Variants in LRRC7 observed in about 807,000 individuals in gnomAD.
LRRC7 encodes leucine rich repeat containing 7.
In LRRC7, 23 loss-of-function variants were observed where a neutral mutation model predicts 175.7. The ratio of observed to expected loss-of-function variants is 0.13; its 90% confidence interval spans 0.09 to 0.19. The LOEUF is 0.19. Among genes scored for constraint, LRRC7 ranks in the 10% least tolerant of loss-of-function variants. The pLI, the probability that LRRC7 is intolerant of heterozygous loss-of-function variation, is 1.00. For synonymous variants in LRRC7, 685 were observed against 680.9 expected (o/e 1.01, Z -0.09); for missense variants, 1,354 against 1,904.7 (o/e 0.71, Z 5.38).
chr1:69,729,105 G>A (rs766362739), intron 2 of LRRC7, among the ~76,000 whole-genome samples: 4 of 152,096 alleles, frequency 2.6e-5, no homozygotes, highest in Non-Finnish European at 2.9e-5. Context: ...CAGCACAAGG[G>A]GGTAACCGCC....
chr1:69,927,693 C>A (rs187922334), intron 7 of LRRC7, among the ~76,000 whole-genome samples: 2,809 of 151,734 alleles, frequency 0.019, 49 homozygotes, highest in Non-Finnish European at 0.029. Flanking sequence ...ATTGGTTATT[C>A]TAGTTATACA....
intron 3 of LRRC7, among the ~76,000 whole-genome samples, chr1:69,782,419 T>C (rs1260892464): frequency 6.6e-6 from 1 of 152,112 alleles, no homozygotes; most frequent in Admixed American, 6.5e-5. Flanking sequence ...TGTAAACAGG[T>C]CTTAATCTGT....
intron 11 of LRRC7, among the ~76,000 whole-genome samples, chr1:70,008,545 A>G (rs1656199033): frequency 6.6e-6 from 1 of 152,232 alleles, no homozygotes; most frequent in Non-Finnish European, 1.5e-5. Flanking sequence ...CATGATCACC[A>G]GTTGTAGCAT....
intron 23 of LRRC7, among the ~76,000 whole-genome samples, chr1:70,073,290 T>G (rs1188492436): frequency 6.6e-6 from 1 of 152,046 alleles, no homozygotes; most frequent in African/African-American, 2.4e-5. Flanking sequence ...CTTAAAGAGT[T>G]CAAAATCAGC....
rs1033220509 is a variant in LRRC7 at position 70,123,870 on chromosome 1, A to G, written c.*1983A>G. ...AACTCATGGCTGTAGTTTGGTGGCA[A>G]TGAAACATCTGAAATCATCCCATCA... is the stretch of plus-strand genomic sequence containing the variant. On this transcript the variant is annotated 3_prime_UTR_variant, in exon 27 of 27. Coordinates refer to ENST00000651989, the MANE Select transcript of LRRC7 (RefSeq NM_001370785.2). 2.6e-5 allele frequency among the ~76,000 whole-genome samples: 4 copies of G among 152,204 alleles called. No homozygotes were observed. The highest frequency in any genetic ancestry group is 9.7e-5 in the African/African-American group (4 of 41,450).
intron 1 of LRRC7, among the ~76,000 whole-genome samples, chr1:69,604,333 A>G (rs1647219803): frequency 2.0e-5 from 3 of 152,282 alleles, no homozygotes; most frequent in South Asian, 4.1e-4. Flanking sequence ...GGTCTTCAAA[A>G]CAAACTGACT....
intron 3 of LRRC7, among the ~76,000 whole-genome samples, chr1:69,784,539 T>G (rs1674175779): frequency 6.6e-6 from 1 of 152,242 alleles, no homozygotes; most frequent in African/African-American, 2.4e-5. Flanking sequence ...TCAGTTCCTG[T>G]GTCCTCCTTG....
chr1:70,089,884 G>T, intron 25 of LRRC7, 65 bp downstream of exon 25: 1 of 1,198,192 alleles, frequency 8.3e-7, no homozygotes, highest in Non-Finnish European at 1.2e-6. Context: ...AGTAACAAAG[G>T]TTAGAAAAAA....
intron 2 of LRRC7, among the ~76,000 whole-genome samples, chr1:69,717,822 G>GAAAT (rs1269492557): frequency 4.3e-5 from 1 of 23,114 alleles, no homozygotes; most frequent in African/African-American, 2.9e-4. Context: ...AAGAAAGAAA[G>GAAAT]AAAGAAAGAA....
rs1306238015 is a variant in LRRC7, at chr1:70,134,109, T to C, written c.*12222T>C. Among the ~76,000 whole-genome samples the C allele has an allele frequency of 6.6e-6, 1 of 152,208 alleles. No individual in the cohort carries two copies. Among genetic ancestry groups the C allele is most frequent in the Non-Finnish European group, 1.5e-5 (1 of 68,034 alleles). ...TCATTTTATTTATGTGTATGAGTAA[T>C]CAGCATAATATGACAATCAGATTTT... is the stretch of plus-strand genomic sequence containing the variant. On this transcript the variant is annotated 3_prime_UTR_variant, in exon 27 of 27. Coordinates refer to ENST00000651989, the MANE Select transcript of LRRC7 (RefSeq NM_001370785.2).
At chr1:69,739,984 T>C (rs1406997884) in intron 2 of LRRC7, among the ~76,000 whole-genome samples, 3 of 152,028 alleles carry the variant, frequency 2.0e-5, no homozygotes. Context: ...ATGAGCAGCA[T>C]CGCAACAGAA....
intron 3 of LRRC7, among the ~76,000 whole-genome samples, chr1:69,782,061 C>A (rs1458924762): frequency 1.3e-5 from 2 of 152,084 alleles, no homozygotes; most frequent in Non-Finnish European, 2.9e-5. Flanking sequence ...TAAAAGTTAC[C>A]TCCTGAGATT....
At chr1:69,907,153 A>T (rs190852595) in intron 7 of LRRC7, among the ~76,000 whole-genome samples, 157 of 152,198 alleles carry the variant, frequency 1.0e-3, no homozygotes, top group Middle Eastern at 3.4e-3. Flanking sequence ...GCTTAAGGAG[A>T]TTTTGGGCTG....
At chr1:69,746,914 C>T (rs12085608) in intron 2 of LRRC7, among the ~76,000 whole-genome samples, 1,599 of 152,236 alleles carry the variant, frequency 0.011, 33 homozygotes, top group African/African-American at 0.037. Context: ...AGGCAAATCA[C>T]TGTTGGCTAC....
At chr1:70,052,829 A>G (rs1043330215) in intron 22 of LRRC7, among the ~76,000 whole-genome samples, 197 bp from the exon 23 acceptor site, 20 of 152,024 alleles carry the variant, frequency 1.3e-4, no homozygotes, top group African/African-American at 4.1e-4. Flanking sequence ...TTTTAATTGC[A>G]TTTTTCATTG....
chr1:69,803,092 C>G (rs918302829), intron 4 of LRRC7, among the ~76,000 whole-genome samples: 1 of 151,380 alleles, frequency 6.6e-6, no homozygotes, highest in Non-Finnish European at 1.5e-5. Context: ...TTTCCCCAAA[C>G]TATTCATCCT....
intron 1 of LRRC7, among the ~76,000 whole-genome samples, chr1:69,599,140 T>TA (rs34773913): frequency 0.16 from 22,633 of 145,306 alleles, 1,804 homozygotes; most frequent in Admixed American, 0.19. Context: ...AGTTTTACAA[T>TA]AAAAAAAAAA....
At chr1:70,114,560 C>T (rs1013820662) in intron 26 of LRRC7, among the ~76,000 whole-genome samples, 4 of 152,090 alleles carry the variant, frequency 2.6e-5, no homozygotes, top group Non-Finnish European at 4.4e-5. Flanking sequence ...TGATGGCACA[C>T]ATGTGTAATT....
At chr1:70,035,346 G>C (rs1264722959) in intron 18 of LRRC7, among the ~76,000 whole-genome samples, 1 of 152,054 alleles carries the variant, frequency 6.6e-6, no homozygotes, top group East Asian at 1.9e-4. Flanking sequence ...TTTGAATTGT[G>C]GAAGTTTAAA....
Sources: allele counts gnomAD v4.1 joint callset (sites outside exome capture counted in the v4.1 genomes callset), GRCh38; gene constraint gnomAD v4.1.1; transcripts MANE v1.5; gene names NCBI Gene and HGNC (gene_info 2026-07-23, HGNC 2026-07-21).